ZFHX3: variants seen among roughly 807,000 people sequenced by gnomAD.
The protein encoded by ZFHX3 is zinc finger homeobox protein 3.
In ZFHX3, 42 loss-of-function variants were observed where a neutral mutation model predicts 279.1. The ratio of observed to expected loss-of-function variants is 0.15; its 90% confidence interval spans 0.12 to 0.19. The LOEUF (loss-of-function observed/expected upper bound fraction) is 0.19. ZFHX3 is among the 10% of genes least tolerant of loss of function. The pLI is 1.00. For synonymous variants in ZFHX3, 2,293 were observed against 1,957.8 expected (o/e 1.17, Z -4.52); for missense variants, 4,981 against 4,754.0 (o/e 1.05, Z -1.40).
At chr16:72,807,861 A>G (rs2036317328) in intron 7 of ZFHX3, 1 of 152,176 alleles carries the variant, frequency 6.6e-6, no homozygotes, top group Admixed American at 6.5e-5. Flanking sequence ...AAGAAAGAAG[A>G]TTCACTCTTG....
At chr16:72,818,100 C>T (rs1359756035) in intron 5 of ZFHX3, among the ~76,000 whole-genome samples, 1 of 152,168 alleles carries the variant, frequency 6.6e-6, no homozygotes, top group Non-Finnish European at 1.5e-5. Flanking sequence ...ATTCACATAG[C>T]TCCATACTTA....
chr16:73,420,956 C>T (rs2017706701), intron 3 of ZFHX3: 1 of 152,210 alleles, frequency 6.6e-6, no homozygotes, highest in Admixed American at 6.5e-5. Flanking sequence ...GAATTTTGGT[C>T]ATGCCCATTC....
chr16:73,253,092 G>A (rs547597125), intron 5 of ZFHX3, among the ~76,000 whole-genome samples: 7 of 152,318 alleles, frequency 4.6e-5, no homozygotes, highest in African/African-American at 1.7e-4. Context: ...GCACGGCAAA[G>A]TGCTAGAACT....
At chr16:73,124,441 C>G (rs1421695134) in intron 7 of ZFHX3, among the ~76,000 whole-genome samples, 1 of 152,176 alleles carries the variant, frequency 6.6e-6, no homozygotes, top group African/African-American at 2.4e-5. Context: ...AAGTCCCCAC[C>G]TCCTGATATC....
intron 4 of ZFHX3, among the ~76,000 whole-genome samples, chr16:72,864,222 TA>T (rs2037959259): frequency 6.6e-6 from 1 of 152,180 alleles, no homozygotes; most frequent in South Asian, 2.1e-4. Context: ...CTGACCCTTA[TA>T]TTTTTTTCTT....
chr16:72,793,154 C>G lies in ZFHX3; in HGVS notation c.9427+101G>C, dbSNP rs931634498. 1 of 1,506,228 alleles carries G rather than the reference C, an allele frequency of 6.6e-7. No individual in the cohort carries two copies. Among genetic ancestry groups the G allele is most frequent in the Non-Finnish European group, 8.9e-7 (1 of 1,129,044 alleles). 93.3% of individuals were successfully genotyped at this position (1,506,228 alleles called of 1,614,324 possible). A position where few individuals can be genotyped will look rare whatever the true frequency, so the allele number is the denominator to read the frequency against. ...TTAAAGAACTAGAAAGGTAAGCTTCCCATCTGCCCAGCACTCAGAGGGTTT... is the reference window on the plus strand; with the variant it reads ...TTAAAGAACTAGAAAGGTAAGCTTCGCATCTGCCCAGCACTCAGAGGGTTT... On this transcript the variant is annotated intron_variant, in intron 9 of 9. Transcript: ENST00000268489. This position sits in a 1 kb window ranked among gnomAD's most constrained non-coding sequence, Gnocchi z 4.3.
At chr16:73,521,095 T>C (rs2019601153) in intron 2 of ZFHX3, among the ~76,000 whole-genome samples, 1 of 152,178 alleles carries the variant, frequency 6.6e-6, no homozygotes, top group African/African-American at 2.4e-5. Flanking sequence ...AAATCTCAAA[T>C]AGCCACCTGA....
rs992012279 is a variant in ZFHX3, at chr16:73,017,928, C to A, written c.-50+29824G>T. Among the ~76,000 whole-genome samples the A allele has an allele frequency of 5.5e-4, 84 of 152,076 alleles. 1 individual carries two copies. Among genetic ancestry groups the A allele is most frequent in the Admixed American group, 5.4e-3 (83 of 15,272 alleles). On this transcript the variant is annotated intron_variant, in intron 1 of 9. Coordinates refer to ENST00000268489, the MANE Select transcript of ZFHX3 (RefSeq NM_006885.4). ...TCTCCTCTTCAGAAAATGATTTCCT[C>A]CTTTTGGATGAAAATTTGATTTTTT...
intron 2 of ZFHX3, among the ~76,000 whole-genome samples, chr16:73,617,758 A>G (rs2052319758): frequency 6.6e-6 from 1 of 152,164 alleles, no homozygotes; most frequent in Non-Finnish European, 1.5e-5. Flanking sequence ...AGGGCTCTCA[A>G]AATGTTAACT....
intron 6 of ZFHX3, among the ~76,000 whole-genome samples, chr16:73,133,385 G>C (rs544995357): frequency 6.6e-6 from 1 of 152,148 alleles, no homozygotes; most frequent in Non-Finnish European, 1.5e-5. Flanking sequence ...AGCCAGGTGT[G>C]GTGGCGAGTG....
intron 1 of ZFHX3, among the ~76,000 whole-genome samples, chr16:73,832,499 A>T (rs1961024232): frequency 6.6e-6 from 1 of 152,224 alleles, no homozygotes; most frequent in South Asian, 2.1e-4. Context: ...ACTAACTTTT[A>T]ACAAAAGAAA....
At position 72,794,825 on chromosome 16, in the gene ZFHX3, C is replaced by A; in HGVS notation, c.7857G>T (p.Glu2619Asp). The change falls in exon 9 of 10, where the codon GAG becomes GAT. Residue 2619 changes from glutamate to aspartate, a missense_variant. Glu to Asp is a conservative substitution (Grantham distance 45). This residue lies in a region of ZFHX3 where 744 missense variants were observed against 701.3 expected (regional missense o/e 1.06). Transcript: ENST00000268489. This position sits in a 1 kb window ranked among gnomAD's most constrained non-coding sequence, Gnocchi z 4.2. ...CGCCAGGGCTTGCACTGGCCTTTTC[C>A]TCCAGCTTCCTCTTGAGAGTGTTCA... ...STMNTLKRKL[E>D]EKASASPGEN... is the part of the protein sequence containing the mutation. The A allele has an allele frequency of 6.2e-7, 1 of 1,614,144 alleles. No homozygotes were observed. Among genetic ancestry groups the A allele is most frequent in the Non-Finnish European group, 8.5e-7 (1 of 1,180,044 alleles).
intron 2 of ZFHX3, among the ~76,000 whole-genome samples, chr16:73,661,251 G>C (rs1218447198): frequency 6.6e-6 from 1 of 152,148 alleles, no homozygotes; most frequent in Admixed American, 6.5e-5. Flanking sequence ...ATGAAGAGTA[G>C]GTTATGATGT....
chr16:73,184,583 C>T (rs544687867), intron 5 of ZFHX3, among the ~76,000 whole-genome samples: 4 of 152,136 alleles, frequency 2.6e-5, no homozygotes, highest in Non-Finnish European at 4.4e-5. Context: ...GAGTCAAAAT[C>T]TCGACTCTTC....
chr16:73,022,380 T>G (rs865850235), intron 1 of ZFHX3, among the ~76,000 whole-genome samples: 2 of 152,130 alleles, frequency 1.3e-5, no homozygotes, highest in Non-Finnish European at 2.9e-5. Context: ...GAGGAGCCAC[T>G]GCAGGCCCCT....
At chr16:72,947,499 C>T (rs1323581711) in intron 3 of ZFHX3, among the ~76,000 whole-genome samples, 2 of 152,162 alleles carry the variant, frequency 1.3e-5, no homozygotes, top group African/African-American at 2.4e-5. Context: ...GAAAGCCATG[C>T]CACTGCTTGA....
chr16:73,461,522 T>C (rs1329031342), intron 2 of ZFHX3, among the ~76,000 whole-genome samples: 1 of 152,228 alleles, frequency 6.6e-6, no homozygotes, highest in Non-Finnish European at 1.5e-5. Context: ...TTTTATGTTT[T>C]GCATTGAATT....
At chr16:72,839,327 C>T (rs2037284808) in intron 4 of ZFHX3, among the ~76,000 whole-genome samples, 2 of 152,136 alleles carry the variant, frequency 1.3e-5, no homozygotes, top group South Asian at 4.1e-4. Context: ...ACAAAAACTA[C>T]CTTCAATTGT....
intron 6 of ZFHX3, among the ~76,000 whole-genome samples, chr16:73,133,613 G>A (rs932547302): frequency 1.3e-5 from 2 of 152,176 alleles, no homozygotes; most frequent in African/African-American, 2.4e-5. Flanking sequence ...AAGCCAAGAC[G>A]AGAGGCCTCA....
Sources: allele counts gnomAD v4.1 joint callset (sites outside exome capture counted in the v4.1 genomes callset), GRCh38; gene constraint gnomAD v4.1.1; regional missense constraint gnomAD v4.1.1; non-coding constraint Gnocchi (gnomAD v3.1); transcripts MANE v1.5; gene names NCBI Gene and HGNC (gene_info 2026-07-23, HGNC 2026-07-21).